Variants in PNOC observed in about 807,000 individuals in gnomAD.
PNOC encodes prepronociceptin, also known as nociceptin.
Under a neutral mutation model 15.6 loss-of-function variants are expected in PNOC, and 10 were observed. The observed-to-expected ratio is 0.64, with a 90% confidence interval of 0.40 to 1.09. The LOEUF is 1.09. PNOC is among the 50% of genes least tolerant of loss of function. The pLI is 0.01. For synonymous variants in PNOC, 98 were observed against 88.5 expected (o/e 1.11, Z -0.60); for missense variants, 220 against 223.9 (o/e 0.98, Z 0.11).
At chr8:28,331,303 C>T (rs1404974983) in intron 2 of PNOC, among the ~76,000 whole-genome samples, 1 of 152,188 alleles carries the variant, frequency 6.6e-6, no homozygotes, top group Non-Finnish European at 1.5e-5. Context: ...TCCTCTTACT[C>T]ATCCACCGTG....
intron 2 of PNOC, among the ~76,000 whole-genome samples, chr8:28,331,399 T>C (rs1801327707): frequency 6.6e-6 from 1 of 152,106 alleles, no homozygotes; most frequent in African/African-American, 2.4e-5. Context: ...ATTCTCTTCC[T>C]CACTCTGGCT....
intron 2 of PNOC, among the ~76,000 whole-genome samples, chr8:28,330,404 T>TATTTTATTTTATTTTATTTTA (rs1563328724): frequency 2.2e-5 from 3 of 133,334 alleles, no homozygotes; most frequent in African/African-American, 8.1e-5. Flanking sequence ...TTATTTTTTT[T>TATTTTATTTTATTTTATTTTA]TTTTTTTTGA....
chr8:28,341,754 TGG>T (rs1801522091), intron 3 of PNOC, among the ~76,000 whole-genome samples: 1 of 152,202 alleles, frequency 6.6e-6, no homozygotes, highest in East Asian at 1.9e-4. Flanking sequence ...CCAGCTCATT[TGG>T]GTATTATTGA....
At chr8:28,330,412 T>TTTTTTTTTTTA (rs1382350131) in intron 2 of PNOC, among the ~76,000 whole-genome samples, 1 of 143,594 alleles carries the variant, frequency 7.0e-6, no homozygotes, top group African/African-American at 2.5e-5. Flanking sequence ...TTTTTTTTTT[T>TTTTTTTTTTTA]GAGACGGAGT....
intron 2 of PNOC, chr8:28,338,505 C>G (rs750353286): frequency 1.0e-4 from 74 of 718,100 alleles, no homozygotes; most frequent in South Asian, 1.9e-4. Context: ...CAGATAGTGA[C>G]GACTGCTGTA....
intron 2 of PNOC, among the ~76,000 whole-genome samples, chr8:28,330,400 T>TTTTTA (rs1698584407): frequency 9.8e-6 from 1 of 102,228 alleles, no homozygotes; most frequent in Non-Finnish European, 2.0e-5. Flanking sequence ...TATTTTATTT[T>TTTTTA]TTTTTTTTTT....
intron 1 of PNOC, among the ~76,000 whole-genome samples, chr8:28,323,463 A>G (rs1304229721): frequency 6.6e-6 from 1 of 152,254 alleles, no homozygotes; most frequent in Non-Finnish European, 1.5e-5. Context: ...CCCATTTCAC[A>G]GTTGAGAAGA....
chr8:28,330,400 T>TATTCTTTTTTTTTTTTTTA (rs1431540071), intron 2 of PNOC, among the ~76,000 whole-genome samples: 1 of 102,228 alleles, frequency 9.8e-6, no homozygotes, highest in Non-Finnish European at 2.0e-5. Flanking sequence ...TATTTTATTT[T>TATTCTTTTTTTTTTTTTTA]TTTTTTTTTT....
At chr8:28,332,127 C>T (rs1801338414) in intron 2 of PNOC, among the ~76,000 whole-genome samples, 1 of 152,226 alleles carries the variant, frequency 6.6e-6, no homozygotes, top group Non-Finnish European at 1.5e-5. Flanking sequence ...AAAAGCCTCA[C>T]AATGGGGGAC....
intron 1 of PNOC, among the ~76,000 whole-genome samples, chr8:28,322,650 T>C (rs754075046): frequency 2.6e-5 from 4 of 152,228 alleles, no homozygotes; most frequent in Non-Finnish European, 5.9e-5. Flanking sequence ...TGGCTCATAG[T>C]GCTCTAAAGT....
chr8:28,334,392 C>T (rs913034144), intron 2 of PNOC, among the ~76,000 whole-genome samples: 1 of 152,196 alleles, frequency 6.6e-6, no homozygotes, highest in Non-Finnish European at 1.5e-5. Context: ...CTCAGAATCA[C>T]CTGAGCTATT....
At chr8:28,322,128 C>T (rs1224021635) in intron 1 of PNOC, among the ~76,000 whole-genome samples, 1 of 152,164 alleles carries the variant, frequency 6.6e-6, no homozygotes, top group Non-Finnish European at 1.5e-5. Flanking sequence ...TGGCTCATGC[C>T]TGTAATCCCA....
At chr8:28,324,135 C>T (rs1253796646) in intron 1 of PNOC, among the ~76,000 whole-genome samples, 1 of 152,214 alleles carries the variant, frequency 6.6e-6, no homozygotes, top group Non-Finnish European at 1.5e-5. Flanking sequence ...AACAAGGTCT[C>T]CCTAAGTGCC....
intron 3 of PNOC, among the ~76,000 whole-genome samples, chr8:28,340,783 G>A (rs1172654071): frequency 6.6e-6 from 1 of 152,196 alleles, no homozygotes; most frequent in African/African-American, 2.4e-5. Context: ...GCAAGAGGGG[G>A]CAAGAGGGGG....
chr8:28,323,264 A>T (rs1334169963), intron 1 of PNOC, among the ~76,000 whole-genome samples: 2 of 152,268 alleles, frequency 1.3e-5, no homozygotes, highest in Non-Finnish European at 2.9e-5. Context: ...TTACCAAAAG[A>T]AAAGGCAATT....
At chr8:28,335,829 G>A (rs757572054) in intron 2 of PNOC, among the ~76,000 whole-genome samples, 1 of 151,956 alleles carries the variant, frequency 6.6e-6, no homozygotes, top group South Asian at 2.1e-4. Flanking sequence ...GCGCCTAGCC[G>A]AAATTCTGTT....
chr8:28,330,397 T>TTA (rs1554517535), intron 2 of PNOC, among the ~76,000 whole-genome samples: 1 of 80,794 alleles, frequency 1.2e-5, no homozygotes, highest in Non-Finnish European at 2.7e-5. Context: ...TTTTATTTTA[T>TTA]TTTTTTTTTT....
chr8:28,322,008 G>T (rs1161332768), intron 1 of PNOC, among the ~76,000 whole-genome samples: 2 of 152,190 alleles, frequency 1.3e-5, no homozygotes, highest in Non-Finnish European at 2.9e-5. Flanking sequence ...ATGGGGCATC[G>T]GGAAGACCCA....
intron 1 of PNOC, among the ~76,000 whole-genome samples, chr8:28,320,538 G>A (rs1447293103): frequency 6.6e-6 from 1 of 151,986 alleles, no homozygotes; most frequent in Non-Finnish European, 1.5e-5. Context: ...ACTCAAAATC[G>A]ACTGCTAGGG....
Sources: gnomAD v4.1 joint callset for allele counts (sites outside exome capture counted in the v4.1 genomes callset) on GRCh38, gnomAD v4.1.1 for gene constraint, MANE v1.5 for transcripts, NCBI Gene and HGNC (gene_info 2026-07-23, HGNC 2026-07-21) for gene names.